Variants in IL1RL2 observed in about 807,000 individuals in gnomAD.
The protein encoded by IL1RL2 is interleukin 1 receptor like 2, also known as interleukin-1 receptor-like 2.
Under a neutral mutation model 66.8 loss-of-function variants are expected in IL1RL2, and 68 were observed. The ratio of observed to expected loss-of-function variants is 1.02; its 90% confidence interval spans 0.84 to 1.25. IL1RL2 has a LOEUF of 1.25. IL1RL2 is among the 50% of genes most tolerant of loss of function. The pLI, the probability that IL1RL2 is intolerant of heterozygous loss-of-function variation, is 0.00. For synonymous variants in IL1RL2, 305 were observed against 264.6 expected (o/e 1.15, Z -1.48); for missense variants, 729 against 709.3 (o/e 1.03, Z -0.32).
chr2:102,219,976 A>G lies in IL1RL2; in HGVS notation c.950A>G (p.His317Arg), dbSNP rs1257165243. The change falls in exon 8 of 12, where the codon CAC (histidine) becomes CGC (arginine). Residue 317 changes from histidine (H) to arginine (R), a missense_variant. Physicochemically the swap from His to Arg is conservative, Grantham distance 29 (BLOSUM62 0). Transcript: ENST00000264257. ...MEDYGLPFMC[H>R]AGVSTAYIIL... ...GATTATGGCCTTCCTTTCATGTGCC[A>G]CGCTGGAGTGTCCACAGCATACATT... 3.1e-6 allele frequency: 5 copies of G among 1,613,874 alleles called. No homozygotes were observed. The East Asian group carries it at 1.1e-4, about 36-fold the overall frequency.
At chr2:102,228,393 A>G (rs1004619253) in intron 9 of IL1RL2, among the ~76,000 whole-genome samples, 10 of 152,220 alleles carry the variant, frequency 6.6e-5, no homozygotes, top group Non-Finnish European at 1.0e-4. Flanking sequence ...AGGTTAGCTA[A>G]GCTGTATCAC....
chr2:102,234,937 G>A lies in IL1RL2; in HGVS notation c.1338G>A (p.Arg446=), dbSNP rs757990472. 6.2e-7 allele frequency: 1 copy of A among 1,614,194 alleles called. No individual in the cohort carries two copies. The highest frequency in any genetic ancestry group is 8.5e-7 in the Non-Finnish European group (1 of 1,180,038). Residue 446 remains arginine, a synonymous_variant, in exon 11 of 12, where the codon AGG becomes AGA. Coordinates refer to ENST00000264257, the MANE Select transcript of IL1RL2 (RefSeq NM_003854.4). ...TCGATGAAAACGTTAAGCTGTGCAG[G>A]AGGCTGATTGTCATTGTGGTCCCCG... ...NVIDENVKLC[R]RLIVIVVPES...
intron 4 of IL1RL2, among the ~76,000 whole-genome samples, chr2:102,199,740 A>G (rs1355719104): frequency 1.3e-5 from 2 of 152,200 alleles, no homozygotes; most frequent in Non-Finnish European, 2.9e-5. Flanking sequence ...GAATGAACCC[A>G]TCAGAAAGAG....
chr2:102,201,808 G>C (rs1688285070), intron 5 of IL1RL2, 93 bp downstream of exon 5: 1 of 1,229,126 alleles, frequency 8.1e-7, no homozygotes, highest in African/African-American at 1.5e-5. Flanking sequence ...GAGCAGGAGT[G>C]ATTCTAGGTC....
chr2:102,198,565 G>T (rs573834230), intron 4 of IL1RL2, among the ~76,000 whole-genome samples: 1 of 152,268 alleles, frequency 6.6e-6, no homozygotes, highest in Admixed American at 6.5e-5. Context: ...ACCTGATTGT[G>T]GCATTCAACA....
chr2:102,215,208 T>G (rs1482751635), intron 6 of IL1RL2, among the ~76,000 whole-genome samples: 1 of 152,196 alleles, frequency 6.6e-6, no homozygotes, highest in Non-Finnish European at 1.5e-5. Context: ...ATTGCTCCAG[T>G]GCAGGAAACT....
At chr2:102,187,531 C>T (rs1686791822) in intron 1 of IL1RL2, among the ~76,000 whole-genome samples, 2 of 152,190 alleles carry the variant, frequency 1.3e-5, no homozygotes, top group African/African-American at 4.8e-5. Context: ...CTCACGGGGG[C>T]TCTGGACACC....
chr2:102,206,420 G>A (rs530030910), intron 5 of IL1RL2, among the ~76,000 whole-genome samples: 1 of 152,236 alleles, frequency 6.6e-6, no homozygotes, highest in African/African-American at 2.4e-5. Flanking sequence ...TGAGTGTTTC[G>A]ATCAAAGCTG....
chr2:102,239,568 G>C lies in IL1RL2; in HGVS notation c.*327G>C, dbSNP rs999635334. ...GGAGCATCCCCATGTCATGGTGGGT[G>C]AGATCTGGGGGTATCCCTGTGTCAT... On this transcript the variant is annotated 3_prime_UTR_variant, in exon 12 of 12. Coordinates refer to ENST00000264257, the MANE Select transcript of IL1RL2 (RefSeq NM_003854.4). The C allele has an allele frequency of 9.5e-6, 3 of 314,792 alleles. No individual in the cohort carries two copies. The highest frequency in any genetic ancestry group is 3.8e-5 in the Admixed American group (1 of 25,994). The allele number at this position is 314,792 out of a possible 1,614,324, so 19.5% of individuals were successfully genotyped here.
intron 5 of IL1RL2, among the ~76,000 whole-genome samples, chr2:102,205,596 T>G (rs995120442): frequency 6.6e-6 from 1 of 152,244 alleles, no homozygotes; most frequent in Non-Finnish European, 1.5e-5. Context: ...AAAAGTCTGC[T>G]GCTAGATGTA....
intron 5 of IL1RL2, among the ~76,000 whole-genome samples, chr2:102,204,693 T>C (rs1390106901): frequency 6.6e-6 from 1 of 151,928 alleles, no homozygotes; most frequent in Non-Finnish European, 1.5e-5. Context: ...GCTCTTTTTT[T>C]TGTTTTTGAT....
chr2:102,236,297 G>A (rs1194092445), intron 11 of IL1RL2, among the ~76,000 whole-genome samples: 2 of 152,138 alleles, frequency 1.3e-5, no homozygotes, highest in Non-Finnish European at 2.9e-5. Flanking sequence ...AGAGCCAGCC[G>A]GCAGGGGCGA....
At chr2:102,195,045 G>T (rs947833168) in intron 4 of IL1RL2, among the ~76,000 whole-genome samples, 7 of 152,190 alleles carry the variant, frequency 4.6e-5, no homozygotes, top group African/African-American at 1.7e-4. Context: ...GAGTGTGGTT[G>T]TGTTGCAATA....
chr2:102,241,947 T>C (rs1675241944), downstream of IL1RL2, among the ~76,000 whole-genome samples: 1 of 152,270 alleles, frequency 6.6e-6, no homozygotes, highest in Non-Finnish European at 1.5e-5. Flanking sequence ...GTCTCGGATT[T>C]ACTTCAAAAT....
In IL1RL2 at chr2:102,239,712, G is replaced by A. The variant is rs1675164002; in HGVS notation, c.*471G>A. The A allele has an allele frequency of 5.6e-6, 1 of 179,144 alleles. No individual in the cohort carries two copies. Among genetic ancestry groups the A allele is most frequent in the South Asian group, 1.2e-4 (1 of 8,402 alleles). The allele number at this position is 179,144 out of a possible 1,614,324, so 11.1% of individuals were successfully genotyped here. On this transcript the variant is annotated 3_prime_UTR_variant, in exon 12 of 12. Coordinates refer to ENST00000264257, the MANE Select transcript of IL1RL2 (RefSeq NM_003854.4). The stretch of plus-strand genomic sequence containing the variant: ...CATGTCATGGTGGGCGAGATCTGGG[G>A]GGTATCCCCACGTCATGGTGGATGA...
chr2:102,220,129 T>A, intron 8 of IL1RL2, 112 bp downstream of exon 8: 1 of 930,056 alleles, frequency 1.1e-6, no homozygotes, highest in Non-Finnish European at 1.5e-6. Context: ...AGGGTGATAT[T>A]AAAGGGACAA....
At chr2:102,235,561 C>A (rs1219288564) in intron 11 of IL1RL2, 1 of 985,292 alleles carries the variant, frequency 1.0e-6, no homozygotes, top group Non-Finnish European at 1.2e-6. Context: ...AGCACTTGGG[C>A]CCCTTGAGAA....
At position 102,225,990 on chromosome 2, in the gene IL1RL2, G is replaced by T; in HGVS notation, c.1084G>T (p.Asp362Tyr). Residue 362 changes from aspartate to tyrosine, a missense_variant, in exon 9 of 12, where the codon GAC (aspartate) becomes TAC (tyrosine). By Grantham distance (160) the Asp-to-Tyr change is radical (BLOSUM62 -3). Coordinates refer to ENST00000264257, the MANE Select transcript of IL1RL2 (RefSeq NM_003854.4). ...GTACATATACAACATTTTTAAGATCGACATTGTTCTTTGGTATCGAAGTGC... is the reference window on the plus strand; with the variant it reads ...GTACATATACAACATTTTTAAGATCTACATTGTTCTTTGGTATCGAAGTGC... ...VVYIYNIFKI[D>Y]IVLWYRSAFH... The T allele has an allele frequency of 6.2e-7, 1 of 1,607,324 alleles. No individual in the cohort carries two copies. The highest frequency in any genetic ancestry group is 8.5e-7 in the Non-Finnish European group (1 of 1,176,648).
chr2:102,225,972 TACA>T lies in IL1RL2; in HGVS notation c.1070_1072del (p.Asn357del), dbSNP rs1690573385. 1.9e-6 allele frequency: 3 copies of T among 1,609,866 alleles called. No individual in the cohort carries two copies. The highest frequency in any genetic ancestry group is 2.5e-6 in the Non-Finnish European group (3 of 1,177,648). On this transcript the variant is annotated inframe_deletion, in exon 9 of 12. Coordinates refer to ENST00000264257, the MANE Select transcript of IL1RL2 (RefSeq NM_003854.4). ...TGTGGCTGTGTCTGTTGTGTACATA[TACA>T]ACATTTTTAAGATCGACATTGTTCT...
Sources: gnomAD v4.1 joint callset for allele counts (sites outside exome capture counted in the v4.1 genomes callset) on GRCh38, gnomAD v4.1.1 for gene constraint, MANE v1.5 for transcripts, NCBI Gene and HGNC (gene_info 2026-07-23, HGNC 2026-07-21) for gene names.